The following FBXO16 variants were observed in gnomAD, a reference collection of about 807,000 sequenced individuals.
FBXO16 encodes the protein F-box only protein 16.
Under a neutral mutation model 41.0 loss-of-function variants are expected in FBXO16, and 31 were observed. The observed-to-expected ratio is 0.76, with a 90% CI of 0.57 to 1.02. FBXO16 has a LOEUF of 1.02. FBXO16 is among the 50% of genes least tolerant of loss of function. The probability of loss-of-function intolerance (pLI) is 0.00; values close to 1 mark genes in which losing one functional copy is unlikely to be tolerated. For synonymous variants in FBXO16, 133 were observed against 117.8 expected (o/e 1.13, Z -0.84); for missense variants, 361 against 346.2 (o/e 1.04, Z -0.34).
At chr8:28,470,620 T>C (rs1286192596) in intron 3 of FBXO16, among the ~76,000 whole-genome samples, 1 of 152,262 alleles carries the variant, frequency 6.6e-6, no homozygotes, top group Non-Finnish European at 1.5e-5. Flanking sequence ...ATTATCTAGC[T>C]CTTCAATTTT....
chr8:28,469,367 C>G (rs1485111362), intron 3 of FBXO16, among the ~76,000 whole-genome samples: 1 of 151,996 alleles, frequency 6.6e-6, no homozygotes, highest in South Asian at 2.1e-4. Context: ...GTGGCCCAGG[C>G]TGGAGTGCAG....
At chr8:28,484,116 G>C (rs1470496674) in intron 1 of FBXO16, among the ~76,000 whole-genome samples, 1 of 152,148 alleles carries the variant, frequency 6.6e-6, no homozygotes, top group Non-Finnish European at 1.5e-5. Context: ...ATTTTCACTG[G>C]ACTCTGGGGG....
At chr8:28,443,782 ACCC>A (rs1005736320) in intron 7 of FBXO16, among the ~76,000 whole-genome samples, 3 of 152,074 alleles carry the variant, frequency 2.0e-5, no homozygotes, top group Non-Finnish European at 4.4e-5. Flanking sequence ...GCCGGCCAAA[ACCC>A]ACCAAAACCA....
At chr8:28,445,382 A>C (rs1802847690) in intron 7 of FBXO16, among the ~76,000 whole-genome samples, 8 of 152,170 alleles carry the variant, frequency 5.3e-5, no homozygotes, top group Admixed American at 5.2e-4. Flanking sequence ...GGGATGGCTT[A>C]GCTTTGGGTT....
At chr8:28,480,629 G>A (rs550502591) in intron 2 of FBXO16, among the ~76,000 whole-genome samples, 2 of 151,860 alleles carry the variant, frequency 1.3e-5, no homozygotes, top group Admixed American at 6.6e-5. Flanking sequence ...TCAGCCTCCC[G>A]AGAAGCTGGG....
Position 28,428,418 on chromosome 8 carries a change from G to A in FBXO16, c.*309C>T. 1.4e-6 allele frequency: 1 copy of A among 724,700 alleles called. No individual in the cohort carries two copies. Among genetic ancestry groups the A allele is most frequent in the East Asian group, 3.1e-5 (1 of 32,710 alleles). The allele number at this position is 724,700 out of a possible 1,614,324, so 44.9% of individuals were successfully genotyped here. ...GTAAATCTGTCCACATTTATGCCATGAATTCCTTTTTACTGAAATACCGTA... is the reference window on the plus strand; with the variant it reads ...GTAAATCTGTCCACATTTATGCCATAAATTCCTTTTTACTGAAATACCGTA... On this transcript the variant is annotated 3_prime_UTR_variant, in exon 9 of 9. Transcript: ENST00000380254.
At chr8:28,443,227 G>A (rs973317319) in intron 7 of FBXO16, among the ~76,000 whole-genome samples, 10 of 151,956 alleles carry the variant, frequency 6.6e-5, no homozygotes, top group Admixed American at 3.3e-4. Context: ...ATTTTGCTGT[G>A]TTGCCCAGGC....
chr8:28,476,018 C>T (rs1011511542), intron 2 of FBXO16, among the ~76,000 whole-genome samples: 2 of 152,218 alleles, frequency 1.3e-5, no homozygotes, highest in Non-Finnish European at 2.9e-5. Flanking sequence ...CTTCCCCATT[C>T]TGACTTCCAG....
At chr8:28,444,481 C>CT (rs1206057786) in intron 7 of FBXO16, among the ~76,000 whole-genome samples, 15,159 of 106,730 alleles carry the variant, frequency 0.14, 3,372 homozygotes, top group African/African-American at 0.48. Flanking sequence ...TTTTTCTTTT[C>CT]TTTTTTTTTT....
chr8:28,445,462 T>C (rs1376714669), intron 7 of FBXO16, among the ~76,000 whole-genome samples: 1 of 152,180 alleles, frequency 6.6e-6, no homozygotes, highest in African/African-American at 2.4e-5. Flanking sequence ...CCATCAACTT[T>C]TATTGTCCTT....
intron 3 of FBXO16, among the ~76,000 whole-genome samples, chr8:28,468,774 G>A (rs1245090050): frequency 1.3e-5 from 2 of 151,890 alleles, no homozygotes; most frequent in Admixed American, 6.6e-5. Context: ...CTTGAGCCCA[G>A]GAGGTAGAGG....
chr8:28,447,295 G>A, intron 6 of FBXO16, 22 bp from the exon 7 acceptor site: 2 of 1,589,342 alleles, frequency 1.3e-6, no homozygotes, highest in Non-Finnish European at 1.7e-6. Flanking sequence ...AAAGCAGTGG[G>A]AAAATTACAA....
At chr8:28,480,222 C>T (rs1203102082) in intron 2 of FBXO16, among the ~76,000 whole-genome samples, 4 of 152,030 alleles carry the variant, frequency 2.6e-5, no homozygotes, top group African/African-American at 7.3e-5. Context: ...TTTTATTTCT[C>T]ACTATTCCAA....
At chr8:28,457,630 A>C (rs1803059302) in intron 4 of FBXO16, among the ~76,000 whole-genome samples, 1 of 152,118 alleles carries the variant, frequency 6.6e-6, no homozygotes, top group Non-Finnish European at 1.5e-5. Context: ...GTATGGGGGA[A>C]ACCACCCCCA....
intron 4 of FBXO16, among the ~76,000 whole-genome samples, chr8:28,461,669 G>C (rs902188885): frequency 6.6e-6 from 1 of 151,142 alleles, no homozygotes; most frequent in Admixed American, 6.6e-5. Context: ...TATTTATGGC[G>C]TTCTGTTCCA....
rs529705070 is a variant in FBXO16, at chr8:28,433,023, T to G, written c.844-3620A>C. 2.7e-5 allele frequency among the ~76,000 whole-genome samples: 4 copies of G among 150,344 alleles called. No homozygotes were observed. In the East Asian group the frequency reaches 7.8e-4, roughly 29 times the overall value. ...TTGCAGTGAGCCGAGATTGCACCAC[T>G]GCACTCCAGCCTCGGCGACAGAGTG... On this transcript the variant is annotated intron_variant, in intron 7 of 8. Coordinates refer to ENST00000380254, the MANE Select transcript of FBXO16 (RefSeq NM_172366.4).
chr8:28,472,846 ACTGAGGGAGGAGAAACTTACTC>A (rs1373081996), intron 3 of FBXO16, among the ~76,000 whole-genome samples: 1 of 152,212 alleles, frequency 6.6e-6, no homozygotes, highest in East Asian at 1.9e-4. Flanking sequence ...CTAGAGGGAA[ACTGAGGGAGGAGAAACTTACTC>A]CTATTTGGTT....
rs554806817 is a variant in FBXO16 at position 28,439,972 on chromosome 8, G to A, written c.843+7199C>T. Among the ~76,000 whole-genome samples, 446 of 85,586 alleles carry A rather than the reference G, an allele frequency of 5.2e-3. 1 individual carries two copies. The highest frequency in any genetic ancestry group is 0.025 in the African/African-American group (427 of 17,392). 56.1% of individuals were successfully genotyped at this position (85,586 alleles called of 152,430 possible). On this transcript the variant is annotated intron_variant, in intron 7 of 8. Transcript: ENST00000380254. ...TTAAATTAGGATTCATGAATGTAAC[G>A]GATTTTTTTTTTTTTGTATTCTGCA...
At chr8:28,456,067 G>A (rs972966333) in intron 5 of FBXO16, among the ~76,000 whole-genome samples, 1 of 152,056 alleles carries the variant, frequency 6.6e-6, no homozygotes, top group Non-Finnish European at 1.5e-5. Context: ...TGTATGAAAT[G>A]ATGCACAACT....
Sources: allele counts gnomAD v4.1 joint callset (sites outside exome capture counted in the v4.1 genomes callset), GRCh38; gene constraint gnomAD v4.1.1; transcripts MANE v1.5; gene names NCBI Gene and HGNC (gene_info 2026-07-23, HGNC 2026-07-21).